Variants in DAPK1 observed in about 807,000 individuals in gnomAD.
The protein encoded by DAPK1 is death associated protein kinase 1.
DAPK1 carries 56 observed loss-of-function variants against 144.9 expected under a neutral mutation model. That is an observed-to-expected ratio of 0.39 (90% CI 0.31 to 0.48). DAPK1 has a LOEUF of 0.48. DAPK1 is among the 20% of genes least tolerant of loss of function. The pLI, the probability that DAPK1 is intolerant of heterozygous loss-of-function variation, is 0.95. For synonymous variants in DAPK1, 690 were observed against 749.0 expected, an observed-to-expected ratio of 0.92 and a Z score of 1.29; for missense variants, 1,454 against 1,875.4, an observed-to-expected ratio of 0.78 and a Z score of 4.15.
intron 2 of DAPK1, among the ~76,000 whole-genome samples, chr9:87,549,824 G>GA (rs970555898): frequency 2.0e-5 from 3 of 152,008 alleles, no homozygotes; most frequent in South Asian, 2.1e-4. Flanking sequence ...AAAAGTGGGG[G>GA]AAAAAAGTAT....
At chr9:87,605,801 C>T (rs367697570) in intron 3 of DAPK1, among the ~76,000 whole-genome samples, 19 of 152,304 alleles carry the variant, frequency 1.2e-4, no homozygotes, top group African/African-American at 4.6e-4. Context: ...TCTCATCTCC[C>T]TCTCCCACCC....
At chr9:87,663,811 CCCCAG>C (rs1176329638) in intron 18 of DAPK1, among the ~76,000 whole-genome samples, 3 of 152,138 alleles carry the variant, frequency 2.0e-5, no homozygotes, top group Non-Finnish European at 2.9e-5. Flanking sequence ...GCTTCCTCCT[CCCCAG>C]TGTTCAGCCT....
intron 2 of DAPK1, among the ~76,000 whole-genome samples, chr9:87,603,642 T>C (rs1270588878): frequency 2.6e-5 from 4 of 152,214 alleles, no homozygotes; most frequent in Non-Finnish European, 5.9e-5. Context: ...CAGCTAAAAA[T>C]ACCTGTGATA....
intron 24 of DAPK1, chr9:87,701,903 G>T: frequency 2.1e-6 from 1 of 469,942 alleles, no homozygotes; most frequent in Non-Finnish European, 4.4e-6. Context: ...AAGATAGGGG[G>T]TAGTCCGGTG....
At chr9:87,616,750 A>G (rs1829113109) in intron 3 of DAPK1, among the ~76,000 whole-genome samples, 1 of 151,634 alleles carries the variant, frequency 6.6e-6, no homozygotes, top group South Asian at 2.1e-4. Flanking sequence ...TGGAATGGAT[A>G]ACTTCCTGGA....
At chr9:87,696,721 CACTCACT>C (rs869236532) in intron 21 of DAPK1, among the ~76,000 whole-genome samples, 1 of 152,166 alleles carries the variant, frequency 6.6e-6, no homozygotes, top group Non-Finnish European at 1.5e-5. Flanking sequence ...CTCACTCACT[CACTCACT>C]CCTTCCCACC....
intron 13 of DAPK1, among the ~76,000 whole-genome samples, chr9:87,647,054 AAAAAGTTGG>A (rs1488529746): frequency 6.6e-6 from 1 of 152,254 alleles, no homozygotes; most frequent in Admixed American, 6.5e-5. Context: ...GATTTACAAA[AAAAAGTTGG>A]AAAAGTGGTA....
chr9:87,559,605 G>T (rs945112983), intron 2 of DAPK1, among the ~76,000 whole-genome samples: 2 of 152,166 alleles, frequency 1.3e-5, no homozygotes, highest in Admixed American at 1.3e-4. Context: ...GATGTAGGAC[G>T]CCTTGGACTT....
Position 87,558,349 on chromosome 9 carries a change from C to A in DAPK1, c.63-46605C>A, listed in dbSNP as rs528817238. The stretch of plus-strand genomic sequence containing the variant: ...AGCAGGCCACTGGACTGCATTGCAC[C>A]CCTGAGGATATACCCACAGATCAAC... On this transcript the variant is annotated intron_variant, in intron 2 of 25. Transcript: ENST00000408954. 3.9e-5 allele frequency among the ~76,000 whole-genome samples: 6 copies of A among 152,218 alleles called. No individual in the cohort carries two copies. In the South Asian group the frequency reaches 1.2e-3, roughly 32 times the overall value.
intron 11 of DAPK1, among the ~76,000 whole-genome samples, chr9:87,645,102 T>C (rs911196445): frequency 6.6e-6 from 1 of 152,206 alleles, no homozygotes; most frequent in African/African-American, 2.4e-5. Flanking sequence ...AGATTAACTT[T>C]TCCAGATTTG....
chr9:87,707,416 T>A lies in DAPK1; in HGVS notation c.*52T>A. 3.9e-6 allele frequency: 5 copies of A among 1,267,868 alleles called. No homozygotes were observed. The highest frequency in any genetic ancestry group is 5.6e-6 in the Non-Finnish European group (5 of 899,168). 78.5% of individuals were successfully genotyped at this position (1,267,868 alleles called of 1,614,324 possible). A position where few individuals can be genotyped will look rare whatever the true frequency, so the allele number is the denominator to read the frequency against. Reference sequence around the variant, plus strand: ...TGTTTGGACTGCAGAAGCAAGGGGGTGATGTAGCCCATCCTTCCCTTTGGA... The same window carrying A: ...TGTTTGGACTGCAGAAGCAAGGGGGAGATGTAGCCCATCCTTCCCTTTGGA... On this transcript the variant is annotated 3_prime_UTR_variant, in exon 26 of 26. Transcript: ENST00000408954. This position sits in a 1 kb window ranked among gnomAD's most constrained non-coding sequence, Gnocchi z 4.0.
chr9:87,651,346 A>G (rs1214706105), intron 16 of DAPK1, among the ~76,000 whole-genome samples, 181 bp from the exon 17 acceptor site: 1 of 152,170 alleles, frequency 6.6e-6, no homozygotes. Context: ...AAAGCTCCGC[A>G]TCCTCCCAGT....
chr9:87,506,984 A>G (rs547395673), intron 2 of DAPK1: 8 of 152,342 alleles, frequency 5.3e-5, no homozygotes, highest in African/African-American at 1.9e-4. Flanking sequence ...GGTTTTTACA[A>G]ATAAAAAATC....
At chr9:87,525,211 C>T in intron 2 of DAPK1, 1 of 885,376 alleles carries the variant, frequency 1.1e-6, no homozygotes, top group East Asian at 2.5e-5. Context: ...CTTTCTGCGT[C>T]TGTTTTTCAC....
intron 23 of DAPK1, among the ~76,000 whole-genome samples, chr9:87,699,835 C>T (rs750356315): frequency 6.6e-6 from 1 of 152,156 alleles, no homozygotes; most frequent in East Asian, 1.9e-4. Flanking sequence ...TTTCCTGCCT[C>T]GGGAGAAGCT....
At chr9:87,649,701 T>C (rs1830380190) in intron 15 of DAPK1, among the ~76,000 whole-genome samples, 1 of 152,154 alleles carries the variant, frequency 6.6e-6, no homozygotes, top group African/African-American at 2.4e-5. Context: ...GAAGGAAAAC[T>C]AATGAAAGAG....
chr9:87,514,677 G>A (rs61199529), intron 2 of DAPK1, among the ~76,000 whole-genome samples: 25,482 of 152,152 alleles, frequency 0.17, 2,567 homozygotes, highest in East Asian at 0.34. Flanking sequence ...AACAAAGCCC[G>A]ACACGATTAA....
At chr9:87,615,008 G>A (rs67233178) in intron 3 of DAPK1, among the ~76,000 whole-genome samples, 5,337 of 152,302 alleles carry the variant, frequency 0.035, 174 homozygotes, top group East Asian at 0.12. Context: ...ACTCCAAGAC[G>A]GAGAGTGCCT....
At chr9:87,630,696 A>G (rs1489099774) in intron 3 of DAPK1, among the ~76,000 whole-genome samples, 1 of 152,186 alleles carries the variant, frequency 6.6e-6, no homozygotes, top group Non-Finnish European at 1.5e-5. Flanking sequence ...GAAACAGGGT[A>G]GTATGGTGGG....
Sources: gnomAD v4.1 joint callset for allele counts (sites outside exome capture counted in the v4.1 genomes callset) on GRCh38, gnomAD v4.1.1 for gene constraint, Gnocchi (gnomAD v3.1) non-coding constraint, MANE v1.5 for transcripts, NCBI Gene and HGNC (gene_info 2026-07-23, HGNC 2026-07-21) for gene names.